Variants in PLEKHA8 observed in about 807,000 individuals in gnomAD.
PLEKHA8 encodes the protein pleckstrin homology domain containing A8, also known as pleckstrin homology domain-containing family A member 8.
In PLEKHA8, 36 loss-of-function variants were observed where a neutral mutation model predicts 68.2. The observed-to-expected ratio is 0.53, with a 90% CI of 0.40 to 0.70. PLEKHA8 has a LOEUF of 0.70. Ranked by LOEUF, PLEKHA8 falls within the 30% of genes least tolerant of loss-of-function variation. The pLI is 0.00. For synonymous variants in PLEKHA8, 211 were observed against 216.1 expected, an observed-to-expected ratio of 0.98 and a Z score of 0.20; for missense variants, 505 against 615.4, an observed-to-expected ratio of 0.82 and a Z score of 1.90.
At chr7:30,087,585 G>A (rs1795232600), downstream of PLEKHA8, among the ~76,000 whole-genome samples, 1 of 152,122 alleles carries the variant, frequency 6.6e-6, no homozygotes, top group African/African-American at 2.4e-5. Flanking sequence ...CTCTATACCT[G>A]CTGTGTCAGC....
intron 13 of PLEKHA8, among the ~76,000 whole-genome samples, chr7:30,109,586 CAAA>C (rs1166200858): frequency 4.8e-5 from 2 of 41,618 alleles, no homozygotes; most frequent in Admixed American, 3.6e-4. Flanking sequence ...AACTCTGTCT[CAAA>C]AAAAAAAAAA....
rs1384508345 is a variant in PLEKHA8 at position 30,116,179 on chromosome 7, T to C, written c.1363-13087T>C. Among the ~76,000 whole-genome samples, 4 of 151,152 alleles carry C rather than the reference T, an allele frequency of 2.6e-5. No homozygotes were observed. In the East Asian group the frequency reaches 7.8e-4, roughly 29 times the overall value. Reference sequence around the variant, plus strand: ...ACACGTATACATGTGTATACATATGTATACATACGCATACATACACGTATA... The same window carrying C: ...ACACGTATACATGTGTATACATATGCATACATACGCATACATACACGTATA... On this transcript the variant is annotated intron_variant, in intron 13 of 13. Coordinates refer to the PLEKHA8 transcript ENST00000396257.
chr7:30,062,735 A>T lies in PLEKHA8; in HGVS notation c.1293A>T (p.Thr431=), dbSNP rs140038858. The change falls in exon 12 of 14, where the codon ACA becomes ACT. Residue 431 remains threonine (T), a synonymous_variant. Coordinates refer to ENST00000449726, the MANE Select transcript of PLEKHA8 (RefSeq NM_001197026.2). ...EVKNGEKDIQ[T]ALNNAYGKTL... is the part of the protein sequence containing the mutation. ...AAAATGGGGAGAAGGATATCCAGAC[A>T]GCCCTAAGTAAGTGTTCTTTATGTT... 1,608 of 1,612,526 alleles carry T rather than the reference A, an allele frequency of 1.0e-3. 1 individual carries two copies. The highest frequency in any genetic ancestry group is 1.3e-3 in the Non-Finnish European group (1,475 of 1,178,650).
At chr7:30,055,163 A>G in intron 8 of PLEKHA8, 94 bp from the exon 9 acceptor site, 1 of 1,118,292 alleles carries the variant, frequency 8.9e-7, no homozygotes, top group Non-Finnish European at 1.4e-6. Flanking sequence ...TTTGCCCTAC[A>G]GAGAGGCAGC....
intron 4 of PLEKHA8, among the ~76,000 whole-genome samples, chr7:30,049,000 T>C (rs1792185431): frequency 6.6e-6 from 1 of 152,254 alleles, no homozygotes; most frequent in South Asian, 2.1e-4. Context: ...CTTTACTACC[T>C]AAGGCTTTCA....
In PLEKHA8 at chr7:30,079,235, C is replaced by G; in HGVS notation, c.*448C>G. 1.0e-6 allele frequency: 1 copy of G among 996,618 alleles called. No individual in the cohort carries two copies. Among genetic ancestry groups the G allele is most frequent in the East Asian group, 1.1e-4 (1 of 9,186 alleles). 61.7% of individuals were successfully genotyped at this position (996,618 alleles called of 1,614,324 possible). A position where few individuals can be genotyped will look rare whatever the true frequency, so the allele number is the denominator to read the frequency against. On this transcript the variant is annotated 3_prime_UTR_variant, in exon 14 of 14. Transcript: ENST00000449726. Reference sequence around the variant, plus strand: ...GGTAGTATAAGCTGCTTTGTTGAAGCTGTGTAGAGTTTGCTGTTCCTAGAT... The same window carrying G: ...GGTAGTATAAGCTGCTTTGTTGAAGGTGTGTAGAGTTTGCTGTTCCTAGAT...
At chr7:30,125,237 TC>T (rs1168130806) in intron 13 of PLEKHA8, among the ~76,000 whole-genome samples, 2 of 152,206 alleles carry the variant, frequency 1.3e-5, no homozygotes, top group East Asian at 3.8e-4. Context: ...TACTTAGTCT[TC>T]CCTAGGTTAG....
chr7:30,088,217 A>G (rs1325379962), downstream of PLEKHA8, among the ~76,000 whole-genome samples: 1 of 152,186 alleles, frequency 6.6e-6, no homozygotes, highest in African/African-American at 2.4e-5. Flanking sequence ...TAAATAATTT[A>G]TGTGTTTTTT....
At position 30,078,791 on chromosome 7, in the gene PLEKHA8, CT is replaced by C. The variant is rs763004888; in HGVS notation, c.*5del. On this transcript the variant is annotated 3_prime_UTR_variant, in exon 14 of 14. Coordinates refer to ENST00000449726, the MANE Select transcript of PLEKHA8 (RefSeq NM_001197026.2). ...GGAATCTGATGAGGTGGTATGATGG[CT>C]GCTGGGCAGCACCTCCTAACTTCAG... The C allele has an allele frequency of 1.2e-6, 2 of 1,612,204 alleles. No individual in the cohort carries two copies. The highest frequency in any genetic ancestry group is 2.7e-5 in the African/African-American group (2 of 74,840).
chr7:30,085,470 G>T (rs1350008538), downstream of PLEKHA8, among the ~76,000 whole-genome samples: 1 of 152,172 alleles, frequency 6.6e-6, no homozygotes, highest in Non-Finnish European at 1.5e-5. Flanking sequence ...ATGGCTGTGT[G>T]CTTAATTAGA....
At chr7:30,078,446 A>C (rs1794747144) in intron 13 of PLEKHA8, 144 bp from the exon 14 acceptor site, 2 of 833,136 alleles carry the variant, frequency 2.4e-6, no homozygotes, top group African/African-American at 3.4e-5. Context: ...GCCACAAATT[A>C]GAAGGGTAGT....
At chr7:30,058,209 T>C (rs952813009) in intron 9 of PLEKHA8, among the ~76,000 whole-genome samples, 4 of 152,182 alleles carry the variant, frequency 2.6e-5, no homozygotes, top group Admixed American at 6.5e-5. Flanking sequence ...TAAAATTCCA[T>C]TGTAGACATG....
In PLEKHA8 at chr7:30,083,719, G is replaced by A; in HGVS notation, c.*4932G>A. The A allele has an allele frequency of 1.0e-6, 1 of 985,324 alleles. No individual in the cohort carries two copies. Among genetic ancestry groups the A allele is most frequent in the African/African-American group, 1.7e-5 (1 of 57,342 alleles). The allele number at this position is 985,324 out of a possible 1,614,324, so 61.0% of individuals were successfully genotyped here. A position where few individuals can be genotyped will look rare whatever the true frequency, so the allele number is the denominator to read the frequency against. ...CTGTATTAATCACTTCTGTTCCAGA[G>A]TGAACAAATGTTTTCAGCTAAGCTA... On this transcript the variant is annotated 3_prime_UTR_variant, in exon 14 of 14. Transcript: ENST00000449726.
chr7:30,048,016 C>T (rs1187519505), intron 4 of PLEKHA8, 60 bp downstream of exon 4: 3 of 946,102 alleles, frequency 3.2e-6, no homozygotes, highest in Admixed American at 4.3e-5. Flanking sequence ...AAGTGACTAC[C>T]AGTATATCCA....
At chr7:30,035,259 CAAT>C (rs1790980839) in intron 1 of PLEKHA8, among the ~76,000 whole-genome samples, 1 of 152,092 alleles carries the variant, frequency 6.6e-6, no homozygotes, top group South Asian at 2.1e-4. Flanking sequence ...AAAATGACAG[CAAT>C]AATAATAGCT....
At position 30,049,366 on chromosome 7, in the gene PLEKHA8, T is replaced by TGG; in HGVS notation, c.582_583insGG (p.Leu195GlyfsTer7). On this transcript the variant is annotated frameshift_variant, in exon 5 of 14. Transcript: ENST00000449726. LOFTEE classifies it high-confidence loss of function. ...CCACCAGGATCACCTCAGCTGGCCA[T>TGG]GCTCAAGTCCAGCAAGGTAAAAGTC... The TGG allele has an allele frequency of 6.2e-7, 1 of 1,614,000 alleles. No individual in the cohort carries two copies. The highest frequency in any genetic ancestry group is 8.5e-7 in the Non-Finnish European group (1 of 1,179,936).
At chr7:30,050,516 T>C in intron 6 of PLEKHA8, 42 bp downstream of exon 6, 1 of 1,506,650 alleles carries the variant, frequency 6.6e-7, no homozygotes, top group Non-Finnish European at 8.9e-7. Context: ...TAAAAAAAAA[T>C]AAGGATATTG....
Position 30,082,862 on chromosome 7 carries a change from G to A in PLEKHA8, c.*4075G>A, listed in dbSNP as rs949185309. On this transcript the variant is annotated 3_prime_UTR_variant, in exon 14 of 14. Coordinates refer to ENST00000449726, the MANE Select transcript of PLEKHA8 (RefSeq NM_001197026.2). ...AATAGACGATGATGCGAGGCATTTGGGGAGCTTCCTGGAGGAAAATTAAGT... is the reference window on the plus strand; with the variant it reads ...AATAGACGATGATGCGAGGCATTTGAGGAGCTTCCTGGAGGAAAATTAAGT... The A allele has an allele frequency of 3.0e-6, 3 of 985,122 alleles. No individual in the cohort carries two copies. Among genetic ancestry groups the A allele is most frequent in the African/African-American group, 3.5e-5 (2 of 57,158 alleles). 61.0% of individuals were successfully genotyped at this position (985,122 alleles called of 1,614,324 possible).
intron 13 of PLEKHA8, among the ~76,000 whole-genome samples, chr7:30,125,842 TTCC>T (rs1486076377): frequency 6.6e-6 from 1 of 152,214 alleles, no homozygotes; most frequent in African/African-American, 2.4e-5. Flanking sequence ...AAAAATTGTG[TTCC>T]TCCATTTTTA....
Sources: gnomAD v4.1 joint callset for allele counts (sites outside exome capture counted in the v4.1 genomes callset) on GRCh38, gnomAD v4.1.1 for gene constraint, MANE v1.5 for transcripts, NCBI Gene and HGNC (gene_info 2026-07-23, HGNC 2026-07-21) for gene names.